Variants in NCOR2 observed in about 807,000 individuals in gnomAD.
NCOR2 encodes CTG repeat protein 26.
NCOR2 carries 81 observed loss-of-function variants against 262.9 expected under a neutral mutation model. The ratio of observed to expected loss-of-function variants is 0.31; its 90% CI spans 0.26 to 0.37. The LOEUF (loss-of-function observed/expected upper bound fraction) is 0.37. Ranked by LOEUF, NCOR2 falls within the 10% of genes least tolerant of loss-of-function variation. The pLI is 1.00. For missense variants in NCOR2, 3,385 were observed against 3,621.4 expected (o/e 0.93, Z 1.68); for synonymous variants, 1,659 against 1,559.3 (o/e 1.06, Z -1.51).
intron 20 of NCOR2, among the ~76,000 whole-genome samples, 153 bp downstream of exon 22, chr12:124,371,869 T>A (rs1338868493): frequency 6.6e-6 from 1 of 152,110 alleles, no homozygotes; most frequent in Admixed American, 6.5e-5. Flanking sequence ...CATCTCTCAT[T>A]CCTGGACTCT....
At chr12:124,438,349 G>A (rs1447442562) in intron 7 of NCOR2, among the ~76,000 whole-genome samples, 1 of 152,182 alleles carries the variant, frequency 6.6e-6, no homozygotes, top group Non-Finnish European at 1.5e-5. Flanking sequence ...CCTCCAACTA[G>A]GAATACAGGC....
At chr12:124,334,517 A>G in exon 41 of NCOR2, 1 of 1,437,866 alleles carries the variant, frequency 7.0e-7, no homozygotes. Context: ...GCGGAGGTCC[A>G]GGACGGGGCA....
chr12:124,338,729 C>T (rs1281897429), intron 37 of NCOR2, among the ~76,000 whole-genome samples: 4 of 151,988 alleles, frequency 2.6e-5, no homozygotes, highest in Non-Finnish European at 5.9e-5. Context: ...AGTCTTTCCT[C>T]ACAGTCCCCA....
intron 2 of NCOR2, 93 bp downstream of exon 4, chr12:124,486,348 C>T (rs2047766123): frequency 6.5e-7 from 1 of 1,544,598 alleles, no homozygotes; most frequent in Non-Finnish European, 8.7e-7. Context: ...TTCACAGGAC[C>T]CTGTGTGCTC....
chr12:124,354,195 C>T (rs1255834165), exon 27 of NCOR2: 2 of 1,594,194 alleles, frequency 1.3e-6, no homozygotes, highest in Non-Finnish European at 1.7e-6. Flanking sequence ...CCAGAGCTGT[C>T]CCTGGAAGAC....
chr12:124,535,654 T>G (rs2051090239), upstream of NCOR2: 1 of 152,260 alleles, frequency 6.6e-6, no homozygotes, highest in African/African-American at 2.4e-5. Context: ...ATCGCATGTA[T>G]GCAGTTTGGC....
At position 124,372,456 on chromosome 12, in the gene NCOR2, C is replaced by T. The variant is rs367877965; in HGVS notation, c.2373G>A (p.Pro791=). ...AGGCCGGGGTGGGCTCAGTGGGGGC[C>T]GGGATGTCCTCCGGTGGTGGGGTGG... Residue 791 remains proline, a synonymous_variant, in exon 20 of 47, where the codon CCG becomes CCA. Coordinates refer to ENST00000405201, the Ensembl canonical transcript of NCOR2. 3.5e-4 allele frequency: 276 copies of T among 783,040 alleles called. 2 individuals carry two copies. The highest frequency in any genetic ancestry group is 4.4e-4 in the Admixed American group (13 of 29,816). The allele number at this position is 783,040 out of a possible 1,614,324, so 48.5% of individuals were successfully genotyped here.
intron 3 of NCOR2, among the ~76,000 whole-genome samples, chr12:124,480,782 G>T (rs758931811): frequency 1.8e-3 from 273 of 149,680 alleles, no homozygotes; most frequent in Non-Finnish European, 2.9e-3. Context: ...GGGCTGACTG[G>T]GCTCACAGGA....
At chr12:124,401,210 C>CAA (rs34583413) in intron 14 of NCOR2, among the ~76,000 whole-genome samples, 100 of 133,192 alleles carry the variant, frequency 7.5e-4, no homozygotes, top group South Asian at 1.2e-3. Context: ...GACCCTGTCT[C>CAA]AAAAAAAAAA....
At chr12:124,494,130 CA>C (rs2048246420) in intron 1 of NCOR2, among the ~76,000 whole-genome samples, 1 of 152,220 alleles carries the variant, frequency 6.6e-6, no homozygotes, top group Non-Finnish European at 1.5e-5. Flanking sequence ...AGCTTATATG[CA>C]AAACCTTCTG....
At chr12:124,441,805 G>A (rs540858278) in intron 7 of NCOR2, among the ~76,000 whole-genome samples, 6 of 152,238 alleles carry the variant, frequency 3.9e-5, no homozygotes, top group Non-Finnish European at 8.8e-5. Flanking sequence ...CTAGGGCAGA[G>A]CCCCCTATCA....
At chr12:124,348,399 G>A (rs1267123860) in intron 28 of NCOR2, 85 bp from the exon 31 acceptor site, 1 of 1,478,912 alleles carries the variant, frequency 6.8e-7, no homozygotes, top group Admixed American at 2.3e-5. Flanking sequence ...GAGCCGGTAG[G>A]CAGGAGCCAG....
intron 41 of NCOR2, among the ~76,000 whole-genome samples, chr12:124,333,897 C>CGCGCATGTGTGTGT (rs59769914): frequency 0.42 from 52,158 of 123,404 alleles, 13,214 homozygotes; most frequent in East Asian, 0.65. Context: ...TGTGTGTGTG[C>CGCGCATGTGTGTGT]GCGCGCATGT....
chr12:124,328,041 G>C (rs1267042066), intron 44 of NCOR2, among the ~76,000 whole-genome samples: 2 of 151,980 alleles, frequency 1.3e-5, no homozygotes, highest in Non-Finnish European at 2.9e-5. Context: ...ATCTCAAGTG[G>C]CCTTAATGGA....
chr12:124,342,581 G>A (rs1352518665), intron 33 of NCOR2, among the ~76,000 whole-genome samples: 3 of 152,130 alleles, frequency 2.0e-5, no homozygotes, highest in Non-Finnish European at 4.4e-5. Context: ...TGTTAGCCAG[G>A]ATGGTCTCTA....
upstream of NCOR2, chr12:124,495,376 A>G: frequency 6.9e-7 from 1 of 1,439,062 alleles, no homozygotes; most frequent in Non-Finnish European, 9.1e-7. The surrounding 1 kb of genome is among the most constrained non-coding windows in gnomAD (Gnocchi z 4.4). Flanking sequence ...CACCTGCGGG[A>G]AAACAAGAAA....
intron 20 of NCOR2, among the ~76,000 whole-genome samples, chr12:124,368,486 A>G (rs1438089679): frequency 6.6e-6 from 1 of 152,122 alleles, no homozygotes; most frequent in Non-Finnish European, 1.5e-5. Flanking sequence ...GCCCCAAGAT[A>G]AAACCCTGAC....
intron 1 of NCOR2, among the ~76,000 whole-genome samples, chr12:124,501,520 ACTC>A (rs2048736233): frequency 6.6e-6 from 1 of 150,794 alleles, no homozygotes; most frequent in African/African-American, 2.4e-5. Flanking sequence ...CTACTTCCTC[ACTC>A]CTCCAGCTCT....
At chr12:124,426,758 T>C in exon 11 of NCOR2, 1 of 1,596,264 alleles carries the variant, frequency 6.3e-7, no homozygotes, top group Non-Finnish European at 8.6e-7. Flanking sequence ...TCGTACAGCA[T>C]GGGCGGGATC....
Sources: gnomAD v4.1 joint callset for allele counts (sites outside exome capture counted in the v4.1 genomes callset) on GRCh38, gnomAD v4.1.1 for gene constraint, Gnocchi (gnomAD v3.1) non-coding constraint, MANE v1.5 for transcripts, NCBI Gene and HGNC (gene_info 2026-07-23, HGNC 2026-07-21) for gene names.